Variants in USP49 observed in about 807,000 individuals in gnomAD.
USP49 encodes ubiquitin specific peptidase 49.
USP49 carries 24 observed loss-of-function variants against 58.6 expected under a neutral mutation model. The observed-to-expected ratio is 0.41, with a 90% CI of 0.30 to 0.58. The LOEUF is 0.58. Ranked by LOEUF, USP49 falls within the 20% of genes least tolerant of loss-of-function variation. USP49 has a pLI of 0.30. For missense variants in USP49, 703 were observed against 866.1 expected, an observed-to-expected ratio of 0.81 and a Z score of 2.36; for synonymous variants, 408 against 365.1, an observed-to-expected ratio of 1.12 and a Z score of -1.34.
rs146425043 is a variant in USP49 at position 41,853,011 on chromosome 6, C to T, written c.-29+18553G>A. On this transcript the variant is annotated intron_variant, in intron 3 of 7. Coordinates refer to ENST00000682992, the MANE Select transcript of USP49 (RefSeq NM_001286554.2). ...TCGAAACCAGCCTAACATGGAGAAACCCCATCTCTACTAAAAATACAAAAA... is the reference window on the plus strand; with the variant it reads ...TCGAAACCAGCCTAACATGGAGAAATCCCATCTCTACTAAAAATACAAAAA... Among the ~76,000 whole-genome samples the T allele has an allele frequency of 6.3e-3, 962 of 152,248 alleles. 8 individuals carry two copies. The highest frequency in any genetic ancestry group is 0.022 in the African/African-American group (912 of 41,544).
At chr6:41,885,074 A>G (rs553060376) in intron 2 of USP49, among the ~76,000 whole-genome samples, 1 of 152,326 alleles carries the variant, frequency 6.6e-6, no homozygotes, top group South Asian at 2.1e-4. Context: ...AATTTTTTCT[A>G]CTTTATTTGT....
intron 3 of USP49, among the ~76,000 whole-genome samples, chr6:41,866,008 G>A (rs532067915): frequency 1.5e-3 from 188 of 129,298 alleles, no homozygotes; most frequent in African/African-American, 5.4e-3. Flanking sequence ...TGCAACCTCC[G>A]CCTCCCAAGT....
At chr6:41,825,975 T>G (rs1458959579) in intron 3 of USP49, among the ~76,000 whole-genome samples, 1 of 152,144 alleles carries the variant, frequency 6.6e-6, no homozygotes, top group African/African-American at 2.4e-5. Context: ...TAATAAGAAC[T>G]AAACTGGGCC....
In USP49 at chr6:41,850,189, T is replaced by C. The variant is rs149415377; in HGVS notation, c.-29+21375A>G. Among the ~76,000 whole-genome samples the C allele has an allele frequency of 2.2e-4, 33 of 152,232 alleles. No individual in the cohort carries two copies. The East Asian group carries it at 6.0e-3, about 28-fold the overall frequency. On this transcript the variant is annotated intron_variant, in intron 3 of 7. Coordinates refer to ENST00000682992, the MANE Select transcript of USP49 (RefSeq NM_001286554.2). ...CAGGTGCGGTGGCTCATGCCCGTAATCTCAGCACTTTGGGAGGCCAAGGTG... is the reference window on the plus strand; with the variant it reads ...CAGGTGCGGTGGCTCATGCCCGTAACCTCAGCACTTTGGGAGGCCAAGGTG...
intron 3 of USP49, among the ~76,000 whole-genome samples, chr6:41,867,503 G>A (rs958424560): frequency 6.6e-6 from 1 of 151,686 alleles, no homozygotes; most frequent in African/African-American, 2.4e-5. Flanking sequence ...CAGCACTCTG[G>A]GAGGCTGAGG....
At chr6:41,831,285 G>C (rs1468612967) in intron 3 of USP49, among the ~76,000 whole-genome samples, 2 of 152,122 alleles carry the variant, frequency 1.3e-5, no homozygotes, top group African/African-American at 4.8e-5. Context: ...AGCTACTCAG[G>C]AGGCTGAGGC....
intron 3 of USP49, among the ~76,000 whole-genome samples, chr6:41,860,658 C>A (rs1439799372): frequency 7.2e-6 from 1 of 139,216 alleles, no homozygotes; most frequent in Non-Finnish European, 1.6e-5. Flanking sequence ...CAGGCGTGCA[C>A]CATCACACCC....
intron 7 of USP49, chr6:41,798,513 T>A (rs1772931099): frequency 7.2e-7 from 1 of 1,393,346 alleles, no homozygotes. Flanking sequence ...TGACCTCAGG[T>A]GATCCACCCA....
chr6:41,802,427 A>ATTTTATTTTATTTTATTTT (rs1581990082), intron 5 of USP49, among the ~76,000 whole-genome samples: 1 of 81,194 alleles, frequency 1.2e-5, no homozygotes, highest in Admixed American at 1.3e-4. Flanking sequence ...ATTTTATTTT[A>ATTTTATTTTATTTTATTTT]TTTTATTTAT....
intron 3 of USP49, among the ~76,000 whole-genome samples, chr6:41,833,895 T>G (rs1031415063): frequency 2.0e-5 from 3 of 152,268 alleles, no homozygotes; most frequent in Admixed American, 1.3e-4. Context: ...ACGAAGCTGT[T>G]GCTGAATTCT....
chr6:41,814,201 C>A (rs753013951), intron 3 of USP49, among the ~76,000 whole-genome samples: 11 of 152,140 alleles, frequency 7.2e-5, no homozygotes, highest in Non-Finnish European at 1.5e-4. Context: ...GTCCTGCACA[C>A]CCTTGGTCGA....
At chr6:41,864,241 T>G (rs2127356165) in intron 3 of USP49, among the ~76,000 whole-genome samples, 1 of 151,818 alleles carries the variant, frequency 6.6e-6, no homozygotes, top group South Asian at 2.1e-4. Context: ...AATAAAGGGG[T>G]TTTAAAAAGG....
intron 2 of USP49, chr6:41,874,375 G>A (rs1440516599): frequency 6.6e-6 from 1 of 152,064 alleles, no homozygotes. Context: ...TTGAAAAGGA[G>A]AAAATCCATT....
chr6:41,797,249 C>T (rs903161046), intron 7 of USP49, among the ~76,000 whole-genome samples: 4 of 151,976 alleles, frequency 2.6e-5, no homozygotes, highest in African/African-American at 7.3e-5. Context: ...CGTGAGCCAC[C>T]GCACCCAGCC....
intron 3 of USP49, among the ~76,000 whole-genome samples, chr6:41,819,778 A>G (rs1773422165): frequency 6.6e-6 from 1 of 152,242 alleles, no homozygotes; most frequent in East Asian, 1.9e-4. Flanking sequence ...ATTCAATGCC[A>G]TGAAAGGTTC....
intron 2 of USP49, among the ~76,000 whole-genome samples, chr6:41,891,438 A>G (rs1200975826): frequency 6.6e-6 from 1 of 152,198 alleles, no homozygotes; most frequent in Non-Finnish European, 1.5e-5. Context: ...CTGTAAAATG[A>G]GAATAGTAAT....
chr6:41,868,061 G>C (rs749066040), intron 3 of USP49, among the ~76,000 whole-genome samples: 1 of 152,152 alleles, frequency 6.6e-6, no homozygotes, highest in Non-Finnish European at 1.5e-5. Context: ...AACCTTTTAA[G>C]AGTTATTAAC....
chr6:41,820,574 G>GAA (rs140896187), intron 3 of USP49, among the ~76,000 whole-genome samples: 59 of 147,742 alleles, frequency 4.0e-4, no homozygotes, highest in African/African-American at 1.4e-3. Context: ...AGTACTCCAG[G>GAA]AAAAAAAAAA....
chr6:41,849,611 CTT>C (rs1286120146), intron 3 of USP49, among the ~76,000 whole-genome samples: 32 of 142,868 alleles, frequency 2.2e-4, no homozygotes, highest in Admixed American at 2.8e-4. Flanking sequence ...TCTTTTCTTT[CTT>C]TTTTTTTTTT....
Sources: gnomAD v4.1 joint callset for allele counts (sites outside exome capture counted in the v4.1 genomes callset) on GRCh38, gnomAD v4.1.1 for gene constraint, MANE v1.5 for transcripts, NCBI Gene and HGNC (gene_info 2026-07-23, HGNC 2026-07-21) for gene names.